NAALADL2: variants seen among roughly 807,000 people sequenced by gnomAD.
NAALADL2 encodes the protein N-acetylated alpha-linked acidic dipeptidase like 2.
A neutral mutation model predicts 87.2 loss-of-function variants in NAALADL2; 76 were observed. That is an observed-to-expected ratio of 0.87 (90% confidence interval 0.72 to 1.05). The LOEUF (loss-of-function observed/expected upper bound fraction) is 1.05, where lower values mean the gene tolerates loss of function less well. Ranked by LOEUF, NAALADL2 falls within the 50% of genes least tolerant of loss-of-function variation. The probability of loss-of-function intolerance (pLI) is 0.00; values close to 1 mark genes in which losing one functional copy is unlikely to be tolerated. For synonymous variants in NAALADL2, 354 were observed against 331.0 expected, an observed-to-expected ratio of 1.07 and a Z score of -0.75; for missense variants, 1,089 against 945.8, an observed-to-expected ratio of 1.15 and a Z score of -1.99.
At chr3:174,477,221 TA>T (rs1717270226) in intron 1 of NAALADL2, among the ~76,000 whole-genome samples, 1 of 152,160 alleles carries the variant, frequency 6.6e-6, no homozygotes, top group African/African-American at 2.4e-5. Flanking sequence ...CATTTTGTCC[TA>T]TAACTAGAGT....
At chr3:175,465,599 A>G (rs966349205) in intron 7 of NAALADL2, among the ~76,000 whole-genome samples, 1 of 151,168 alleles carries the variant, frequency 6.6e-6, no homozygotes, top group African/African-American at 2.4e-5. Context: ...CAGCCTCCCG[A>G]ATAGCTGGAA....
At chr3:175,507,874 C>T (rs916873782) in intron 9 of NAALADL2, among the ~76,000 whole-genome samples, 7 of 152,108 alleles carry the variant, frequency 4.6e-5, no homozygotes, top group African/African-American at 1.7e-4. Context: ...TTTCTTCATA[C>T]TCTGTTAGGT....
At position 174,790,297 on chromosome 3, in the gene NAALADL2, C is replaced by T. The variant is rs117544839; in HGVS notation, c.-9+52551C>T. Among the ~76,000 whole-genome samples the T allele has an allele frequency of 1.8e-4, 27 of 152,234 alleles. No homozygotes were observed. The South Asian group carries it at 5.0e-3, about 28-fold the overall frequency. On this transcript the variant is annotated intron_variant, in intron 3 of 3. Transcript: ENST00000434257. ...AGAAGCCTATGTGGCATGCTGCATC[C>T]GATTTGCTTTCTTTCCCTCCTTTCC...
intron 1 of NAALADL2, among the ~76,000 whole-genome samples, chr3:174,929,173 G>A (rs1736506588): frequency 6.6e-6 from 1 of 152,194 alleles, no homozygotes; most frequent in Non-Finnish European, 1.5e-5. Context: ...AGGCTGGAAA[G>A]AGGGCAGTGT....
intron 1 of NAALADL2, among the ~76,000 whole-genome samples, chr3:174,890,031 A>G (rs954396627): frequency 2.6e-5 from 4 of 152,320 alleles, no homozygotes; most frequent in African/African-American, 9.6e-5. Context: ...AGTTCAGGCC[A>G]TGGTTCCAAA....
chr3:175,358,645 T>C (rs1375656503), intron 5 of NAALADL2, among the ~76,000 whole-genome samples: 1 of 152,172 alleles, frequency 6.6e-6, no homozygotes, highest in Non-Finnish European at 1.5e-5. Flanking sequence ...ATAAACTCAA[T>C]TTTTCTCTGT....
chr3:174,741,100 T>G (rs977580315), intron 3 of NAALADL2, among the ~76,000 whole-genome samples: 4 of 151,800 alleles, frequency 2.6e-5, no homozygotes, highest in African/African-American at 4.8e-5. Flanking sequence ...ACAGCACTCA[T>G]GATCTGTACA....
chr3:174,836,332 A>G (rs1723322797), intron 3 of NAALADL2, among the ~76,000 whole-genome samples: 1 of 152,264 alleles, frequency 6.6e-6, no homozygotes, highest in East Asian at 1.9e-4. Flanking sequence ...GGCTGAGGGA[A>G]GGGAAAAATG....
chr3:175,698,473 G>GTGTA (rs1553953616), intron 11 of NAALADL2, among the ~76,000 whole-genome samples: 7 of 82,050 alleles, frequency 8.5e-5, no homozygotes, highest in African/African-American at 6.6e-4. Context: ...ATATATGTGT[G>GTGTA]TATATATATT....
intron 5 of NAALADL2, among the ~76,000 whole-genome samples, chr3:175,382,154 T>C (rs2148988739): frequency 6.6e-6 from 1 of 152,254 alleles, no homozygotes; most frequent in Admixed American, 6.5e-5. Context: ...GCATACTGTT[T>C]GGATAAGCAC....
At chr3:175,647,251 T>C (rs1730138007) in intron 11 of NAALADL2, among the ~76,000 whole-genome samples, 1 of 152,110 alleles carries the variant, frequency 6.6e-6, no homozygotes, top group Non-Finnish European at 1.5e-5. Context: ...ATCTAGCTAG[T>C]AGTTTTAGTG....
intron 3 of NAALADL2, among the ~76,000 whole-genome samples, chr3:174,797,032 A>G (rs1718180534): frequency 1.3e-5 from 2 of 152,130 alleles, no homozygotes; most frequent in South Asian, 4.1e-4. Context: ...TTATTTGCCA[A>G]GAGCAATCTC....
intron 1 of NAALADL2, among the ~76,000 whole-genome samples, chr3:174,527,302 C>A (rs566530720): frequency 6.6e-6 from 1 of 151,964 alleles, no homozygotes; most frequent in African/African-American, 2.4e-5. Context: ...AGGTGGATCA[C>A]AAGGTCAGGA....
chr3:174,471,969 C>A (rs908162370), intron 1 of NAALADL2, among the ~76,000 whole-genome samples: 1 of 151,994 alleles, frequency 6.6e-6, no homozygotes, highest in African/African-American at 2.4e-5. Flanking sequence ...TCTCACAAAT[C>A]ATCTAAATAA....
chr3:174,607,648 A>G (rs1055007133), intron 2 of NAALADL2, among the ~76,000 whole-genome samples: 3 of 152,260 alleles, frequency 2.0e-5, no homozygotes, highest in African/African-American at 4.8e-5. Flanking sequence ...CCAATACAGG[A>G]GCACCCAGAT....
chr3:174,913,577 G>T (rs751880583), intron 1 of NAALADL2, among the ~76,000 whole-genome samples: 7 of 152,084 alleles, frequency 4.6e-5, no homozygotes, highest in Non-Finnish European at 7.4e-5. Flanking sequence ...CTCATTAGTG[G>T]TGTCACCAGG....
intron 1 of NAALADL2, among the ~76,000 whole-genome samples, chr3:174,507,690 GATA>G (rs1397370670): frequency 7.0e-6 from 1 of 143,448 alleles, no homozygotes; most frequent in Non-Finnish European, 1.6e-5. Flanking sequence ...TTTCACTCAG[GATA>G]ATGCTTGTGA....
intron 1 of NAALADL2, among the ~76,000 whole-genome samples, chr3:174,444,377 C>T (rs545537556): frequency 1.3e-5 from 2 of 152,242 alleles, no homozygotes; most frequent in African/African-American, 2.4e-5. Context: ...TTGTAGGAAT[C>T]ATTACCATTT....
Position 175,579,775 on chromosome 3 carries a change from G to A in NAALADL2, c.1800+3588G>A, listed in dbSNP as rs554328799. Among the ~76,000 whole-genome samples, 19 of 152,230 alleles carry A rather than the reference G, an allele frequency of 1.2e-4. No individual in the cohort carries two copies. In the South Asian group the frequency reaches 3.5e-3, roughly 28 times the overall value. On this transcript the variant is annotated intron_variant, in intron 10 of 13. Coordinates refer to ENST00000454872, the MANE Select transcript of NAALADL2 (RefSeq NM_207015.3). Reference sequence around the variant, plus strand: ...AAGAGTGCAATATTTATGGCAGTCTGGTGATCCAATGCACATTTCCTCTGT... The same window carrying A: ...AAGAGTGCAATATTTATGGCAGTCTAGTGATCCAATGCACATTTCCTCTGT...
Sources: allele counts gnomAD v4.1 joint callset (sites outside exome capture counted in the v4.1 genomes callset), GRCh38; gene constraint gnomAD v4.1.1; transcripts MANE v1.5; gene names NCBI Gene and HGNC (gene_info 2026-07-23, HGNC 2026-07-21).